MVB12B: variants seen among roughly 807,000 people sequenced by gnomAD.
MVB12B encodes the protein ESCRT-I complex subunit MVB12B.
In MVB12B, 16 loss-of-function variants were observed where a neutral mutation model predicts 41.6. That is an observed-to-expected ratio of 0.38 (90% CI 0.26 to 0.58). The LOEUF (loss-of-function observed/expected upper bound fraction) is 0.58, where lower values mean the gene tolerates loss of function less well. Ranked by LOEUF, MVB12B falls within the 20% of genes least tolerant of loss-of-function variation. The probability of loss-of-function intolerance (pLI) is 0.62; values close to 1 mark genes in which losing one functional copy is unlikely to be tolerated. For synonymous variants in MVB12B, 133 were observed against 139.7 expected (o/e 0.95, Z 0.34); for missense variants, 274 against 380.2 (o/e 0.72, Z 2.32).
intron 6 of MVB12B, among the ~76,000 whole-genome samples, chr9:126,400,170 A>G (rs1831230151): frequency 6.6e-6 from 1 of 152,208 alleles, no homozygotes; most frequent in Non-Finnish European, 1.5e-5. Flanking sequence ...GGAGCTGAGT[A>G]GAGACAGGCC....
intron 2 of MVB12B, among the ~76,000 whole-genome samples, chr9:126,341,411 A>T (rs1472856575): frequency 6.6e-6 from 1 of 152,202 alleles, no homozygotes; most frequent in African/African-American, 2.4e-5. Context: ...TGAGATTCTA[A>T]GGTGGTCTTA....
In MVB12B at chr9:126,340,471, T is replaced by A. The variant is rs377433588; in HGVS notation, c.82-37T>A. ...TATATTATTCACATAAATGCTATGT[T>A]TGAATTTTGTGTTTTCTTTTTCCTT... On this transcript the variant is annotated intron_variant, in intron 1 of 9. Coordinates refer to ENST00000361171, the MANE Select transcript of MVB12B (RefSeq NM_033446.3). This position sits in a 1 kb window ranked among gnomAD's most constrained non-coding sequence, Gnocchi z 4.0. 32 of 1,610,168 alleles carry A rather than the reference T, an allele frequency of 2.0e-5. No homozygotes were observed. The highest frequency in any genetic ancestry group is 1.4e-4 in the South Asian group (13 of 90,796).
chr9:126,382,412 T>A (rs771912332), intron 3 of MVB12B, among the ~76,000 whole-genome samples: 3 of 152,248 alleles, frequency 2.0e-5, no homozygotes, highest in Non-Finnish European at 2.9e-5. Context: ...TATATGCTCC[T>A]TGTGAAGTAC....
intron 7 of MVB12B, among the ~76,000 whole-genome samples, chr9:126,466,403 C>T (rs1424474809): frequency 6.6e-6 from 1 of 152,210 alleles, no homozygotes. Flanking sequence ...GCTAATGTCC[C>T]ATTCACCAAA....
chr9:126,379,799 C>T (rs1473481939), intron 2 of MVB12B, among the ~76,000 whole-genome samples: 1 of 152,302 alleles, frequency 6.6e-6, no homozygotes, highest in East Asian at 1.9e-4. Context: ...GGGGTCCTGG[C>T]TCCCGCCTCC....
chr9:126,445,755 CAA>C (rs765453169), intron 7 of MVB12B, among the ~76,000 whole-genome samples: 1 of 152,110 alleles, frequency 6.6e-6, no homozygotes, highest in African/African-American at 2.4e-5. Context: ...CTCAGCCTCT[CAA>C]AGTGCTGGGA....
In MVB12B at chr9:126,486,205, G is replaced by A. The variant is rs1833615983; in HGVS notation, c.873+2173G>A. On this transcript the variant is annotated intron_variant, in intron 9 of 9. Transcript: ENST00000361171. The surrounding 1 kb of genome is among the most constrained non-coding windows in gnomAD (Gnocchi z 4.7). ...TTTTTTTCTTTTTTTGATAACTCAG[G>A]GAAAAAATGGCTGGCTGGGACATTA... is the stretch of plus-strand genomic sequence containing the variant. 6.6e-6 allele frequency among the ~76,000 whole-genome samples: 1 copy of A among 151,780 alleles called. No homozygotes were observed. The highest frequency in any genetic ancestry group is 1.5e-5 in the Non-Finnish European group (1 of 67,948).
At chr9:126,500,900 CCCTCGG>C (rs1833941769) in intron 9 of MVB12B, among the ~76,000 whole-genome samples, 1 of 152,258 alleles carries the variant, frequency 6.6e-6, no homozygotes, top group South Asian at 2.1e-4. Flanking sequence ...CGTGCATGTG[CCCTCGG>C]AGGTGGCCTT....
In MVB12B at chr9:126,473,220, A is replaced by C. The variant is rs544845453; in HGVS notation, c.758-8149A>C. The stretch of plus-strand genomic sequence containing the variant: ...CTCAGAGAGGTGGGGTGGCCTGTGC[A>C]ACAGCTGCACATCTGCACCTGCTGA... On this transcript the variant is annotated intron_variant, in intron 7 of 9. Coordinates refer to ENST00000361171, the MANE Select transcript of MVB12B (RefSeq NM_033446.3). The surrounding 1 kb of genome is among the most constrained non-coding windows in gnomAD (Gnocchi z 4.0). 1.4e-4 allele frequency among the ~76,000 whole-genome samples: 21 copies of C among 152,138 alleles called. No homozygotes were observed. The highest frequency in any genetic ancestry group is 3.1e-4 in the Non-Finnish European group (21 of 68,020).
Position 126,503,382 on chromosome 9 carries a change from G to A in MVB12B, c.*119G>A. On this transcript the variant is annotated 3_prime_UTR_variant, in exon 10 of 10. Coordinates refer to ENST00000361171, the MANE Select transcript of MVB12B (RefSeq NM_033446.3). ...CCTCCCTCCCACACTGCCCCAGCAG[G>A]GCTGGCCCGGAGACTGGGCAGCTAA... 2 of 816,192 alleles carry A rather than the reference G, an allele frequency of 2.5e-6. No homozygotes were observed. Among genetic ancestry groups the A allele is most frequent in the Non-Finnish European group, 3.8e-6 (2 of 523,178 alleles). 50.6% of individuals were successfully genotyped at this position (816,192 alleles called of 1,614,324 possible). A position where few individuals can be genotyped will look rare whatever the true frequency, so the allele number is the denominator to read the frequency against.
intron 1 of MVB12B, among the ~76,000 whole-genome samples, chr9:126,332,453 G>C (rs1013973891): frequency 6.6e-6 from 1 of 152,180 alleles, no homozygotes. Flanking sequence ...TCTTCCTGCA[G>C]CCAGCCTGGG....
chr9:126,453,888 C>A (rs150515173), intron 7 of MVB12B, among the ~76,000 whole-genome samples: 32 of 152,310 alleles, frequency 2.1e-4, no homozygotes, highest in African/African-American at 7.5e-4. Context: ...TCCAGATTAC[C>A]TTCCAGGGCT....
At chr9:126,382,685 G>A (rs1830669497) in intron 3 of MVB12B, among the ~76,000 whole-genome samples, 1 of 151,990 alleles carries the variant, frequency 6.6e-6, no homozygotes, top group Non-Finnish European at 1.5e-5. Context: ...ATGGCCTGAG[G>A]ACAGCCATGA....
intron 6 of MVB12B, among the ~76,000 whole-genome samples, chr9:126,414,883 T>TTTTG (rs943859340): frequency 1.1e-4 from 16 of 151,968 alleles, no homozygotes; most frequent in South Asian, 6.2e-4. Flanking sequence ...ACTGGCTAAT[T>TTTTG]TTTGTTTGTT....
At chr9:126,411,250 T>C (rs1021364602) in intron 6 of MVB12B, among the ~76,000 whole-genome samples, 2 of 152,260 alleles carry the variant, frequency 1.3e-5, no homozygotes, top group African/African-American at 4.8e-5. Context: ...TTATGGCCTA[T>C]CTTTTGATAT....
intron 2 of MVB12B, among the ~76,000 whole-genome samples, chr9:126,347,891 G>T (rs1363968123): frequency 6.6e-6 from 1 of 152,220 alleles, no homozygotes; most frequent in Non-Finnish European, 1.5e-5. Flanking sequence ...GGGCCTTTCA[G>T]GGGGCAGGAA....
rs543468367 is a variant in MVB12B, at chr9:126,421,043, TTTG to T, written c.663-805_663-803del. Among the ~76,000 whole-genome samples, 306 of 152,212 alleles carry T rather than the reference TTTG, an allele frequency of 2.0e-3. 1 individual carries two copies. The highest frequency in any genetic ancestry group is 6.4e-3 in the African/African-American group (267 of 41,532). On this transcript the variant is annotated intron_variant, in intron 6 of 9. Transcript: ENST00000361171. ...GCCCCCAGTTGTCCCACCAAGAGGT[TTTG>T]TTGTTTTTTTCCCCCAGTCCTGTTG... is the stretch of plus-strand genomic sequence containing the variant.
chr9:126,458,058 C>A (rs1833019920), intron 7 of MVB12B, among the ~76,000 whole-genome samples: 1 of 152,234 alleles, frequency 6.6e-6, no homozygotes, highest in Admixed American at 6.5e-5. Context: ...TAGCCCTGCA[C>A]TCTCCCTCAC....
chr9:126,355,042 G>C (rs554662339), intron 2 of MVB12B, among the ~76,000 whole-genome samples: 1 of 152,192 alleles, frequency 6.6e-6, no homozygotes, highest in African/African-American at 2.4e-5. Flanking sequence ...TCTTCTCCCT[G>C]TGGTTTTGAT....
Sources: allele counts gnomAD v4.1 joint callset (sites outside exome capture counted in the v4.1 genomes callset), GRCh38; gene constraint gnomAD v4.1.1; non-coding constraint Gnocchi (gnomAD v3.1); transcripts MANE v1.5; gene names NCBI Gene and HGNC (gene_info 2026-07-23, HGNC 2026-07-21).